The following ABCC3 variants were observed in gnomAD, a reference collection of about 807,000 sequenced individuals.
The protein encoded by ABCC3 is ATP-binding cassette sub-family C member 3.
A neutral mutation model predicts 165.3 loss-of-function variants in ABCC3; 121 were observed. That is an observed-to-expected ratio of 0.73 (90% confidence interval 0.63 to 0.85). The LOEUF is 0.85. ABCC3 is among the 40% of genes least tolerant of loss of function. ABCC3 has a pLI of 0.00. For missense variants in ABCC3, 1,869 were observed against 1,964.1 expected (o/e 0.95, Z 0.92); for synonymous variants, 733 against 810.1 (o/e 0.90, Z 1.62).
In ABCC3 at chr17:50,684,584, C is replaced by T. The variant is rs139794634; in HGVS notation, c.4114-125C>T. On this transcript the variant is annotated intron_variant, in intron 28 of 30. Coordinates refer to ENST00000285238, the MANE Select transcript of ABCC3 (RefSeq NM_003786.4). ...TCTATCTCTTTGGCCATTGTGTCCT[C>T]TGGGGAGCTGGAAACAGAGTGGGAA... 672 of 1,064,360 alleles carry T rather than the reference C, an allele frequency of 6.3e-4. 1 individual carries two copies. Among genetic ancestry groups the T allele is most frequent in the Middle Eastern group, 3.6e-3 (16 of 4,464 alleles). The allele number at this position is 1,064,360 out of a possible 1,614,324, so 65.9% of individuals were successfully genotyped here.
intron 29 of ABCC3, among the ~76,000 whole-genome samples, chr17:50,686,357 G>A (rs1968021572): frequency 6.6e-6 from 1 of 152,134 alleles, no homozygotes; most frequent in African/African-American, 2.4e-5. Context: ...GCAGAGCGGG[G>A]ACTCTGGCTC....
chr17:50,649,759 G>A (rs1967078778), intron 1 of ABCC3, among the ~76,000 whole-genome samples: 1 of 151,654 alleles, frequency 6.6e-6, no homozygotes, highest in South Asian at 2.1e-4. Context: ...AGAAAGGAAG[G>A]AAGGAAGGAA....
intron 1 of ABCC3, among the ~76,000 whole-genome samples, chr17:50,650,370 G>A (rs1256452533): frequency 6.6e-6 from 1 of 152,176 alleles, no homozygotes; most frequent in African/African-American, 2.4e-5. Context: ...GCCTCCCAAA[G>A]TCCTGGGATT....
chr17:50,652,353 G>A (rs1967128521), intron 1 of ABCC3, among the ~76,000 whole-genome samples: 2 of 152,138 alleles, frequency 1.3e-5, no homozygotes, highest in African/African-American at 2.4e-5. Flanking sequence ...AAGATTTCTT[G>A]CCCAGATGAC....
chr17:50,659,894 G>A (rs1466941966), intron 7 of ABCC3, among the ~76,000 whole-genome samples: 1 of 152,198 alleles, frequency 6.6e-6, no homozygotes, highest in African/African-American at 2.4e-5. Flanking sequence ...GCTGAGGTGG[G>A]AGGATCATTT....
In ABCC3 at chr17:50,667,611, G is replaced by C. The variant is rs758522517; in HGVS notation, c.1489G>C (p.Gly497Arg). The change falls in exon 12 of 31, where the codon GGC becomes CGC. Residue 497 changes from glycine to arginine, a missense_variant. Transcript: ENST00000285238. ...CAAGCTGATGAGTGAGATCCTGAACGGCATCAAGGTGCTGAAGCTGTACGC... is the reference window on the plus strand; with the variant it reads ...CAAGCTGATGAGTGAGATCCTGAACCGCATCAAGGTGCTGAAGCTGTACGC... ...RIKLMSEILN[G>R]IKVLKLYAWE... The C allele has an allele frequency of 1.9e-6, 3 of 1,614,100 alleles. No homozygotes were observed. Among genetic ancestry groups the C allele is most frequent in the Non-Finnish European group, 2.5e-6 (3 of 1,179,962 alleles).
chr17:50,678,094 T>G lies in ABCC3; in HGVS notation c.3580T>G (p.Trp1194Gly), dbSNP rs145688585. 3 of 1,605,060 alleles carry G rather than the reference T, an allele frequency of 1.9e-6. No individual in the cohort carries two copies. In the African/African-American group the frequency reaches 4.0e-5, roughly 22 times the overall value. ...SCYPYIISNR[W>G]LSIGVEFVGN... Reference sequence around the variant, plus strand: ...TCCTCCTCATCTGATCCCCCATAGGTGGCTGAGCATCGGAGTGGAGTTCGT... The same window carrying G: ...TCCTCCTCATCTGATCCCCCATAGGGGGCTGAGCATCGGAGTGGAGTTCGT... The change falls in exon 25 of 31, where the codon TGG becomes GGG. Residue 1194 changes from tryptophan (W) to glycine (G), a missense_variant and splice_region_variant. Physicochemically the swap from Trp to Gly is radical, Grantham distance 184. Transcript: ENST00000285238.
intron 17 of ABCC3, 114 bp from the exon 18 acceptor site, chr17:50,672,857 G>C: frequency 3.3e-6 from 3 of 910,610 alleles, no homozygotes; most frequent in Non-Finnish European, 4.9e-6. Context: ...GGGTGAGTGA[G>C]ACCCCATCTC....
rs1597852145 is a variant in ABCC3 at position 50,665,144 on chromosome 17, C to T, written c.1339-9C>T. 6.2e-7 allele frequency: 1 copy of T among 1,613,568 alleles called. No individual in the cohort carries two copies. The highest frequency in any genetic ancestry group is 8.5e-7 in the Non-Finnish European group (1 of 1,179,474). On this transcript the variant is annotated splice_polypyrimidine_tract_variant and intron_variant, in intron 10 of 30. Coordinates refer to ENST00000285238, the MANE Select transcript of ABCC3 (RefSeq NM_003786.4). ...CCTATGTGTCATCTATCCACCGGTG[C>T]CTCCTCAGAACCTAGGTCCCTCTGT...
rs771674549 is a variant in ABCC3, at chr17:50,684,712, C to T, written c.4117C>T (p.Pro1373Ser). Residue 1373 changes from proline (P) to serine (S), a missense_variant, in exon 29 of 31, where the codon CCC becomes TCC. By Grantham distance (74) the Pro-to-Ser change is moderately conservative. Transcript: ENST00000285238. ...RSQLTIIPQDPILFSGTLRMN... is the reference protein window; with the variant it reads ...RSQLTIIPQDSILFSGTLRMN... ...TGAGGCCACGTTGTATCCCCAGGAC[C>T]CCATCCTGTTCTCGGGGACCCTGCG... 6.2e-7 allele frequency: 1 copy of T among 1,613,888 alleles called. No individual in the cohort carries two copies. Among genetic ancestry groups the T allele is most frequent in the Admixed American group, 1.7e-5 (1 of 59,954 alleles).
chr17:50,671,497 A>C (rs1443597499), intron 17 of ABCC3, among the ~76,000 whole-genome samples: 1 of 152,058 alleles, frequency 6.6e-6, no homozygotes, highest in African/African-American at 2.4e-5. Flanking sequence ...TCTATTGCTT[A>C]TAAGAGAATG....
At chr17:50,668,310 G>A in intron 13 of ABCC3, 120 bp from the exon 14 acceptor site, 2 of 810,492 alleles carry the variant, frequency 2.5e-6, no homozygotes, top group Non-Finnish European at 4.0e-6. Context: ...AGGGACCCCA[G>A]TGCTAGTGTC....
chr17:50,644,285 T>C (rs1380918818), intron 1 of ABCC3, among the ~76,000 whole-genome samples: 1 of 109,082 alleles, frequency 9.2e-6, no homozygotes, highest in Non-Finnish European at 1.7e-5. Context: ...CACTCCAGCC[T>C]GGGTGACAGA....
At chr17:50,683,492 AG>A in intron 26 of ABCC3, 117 bp from the exon 27 acceptor site, 1 of 1,199,628 alleles carries the variant, frequency 8.3e-7, no homozygotes. Flanking sequence ...AGGGGTGCCA[AG>A]GACCCTCCCA....
Position 50,678,086 on chromosome 17 carries a change from C to T in ABCC3, c.3579-7C>T. 3.7e-6 allele frequency: 6 copies of T among 1,607,560 alleles called. No homozygotes were observed. The highest frequency in any genetic ancestry group is 2.2e-5 in the East Asian group (1 of 44,770). On this transcript the variant is annotated splice_polypyrimidine_tract_variant and splice_region_variant and intron_variant, in intron 24 of 30. Transcript: ENST00000285238. ...GCCCCATTTCCTCCTCATCTGATCC[C>T]CCATAGGTGGCTGAGCATCGGAGTG... is the stretch of plus-strand genomic sequence containing the variant.
At chr17:50,682,031 G>A (rs146665340) in intron 26 of ABCC3, among the ~76,000 whole-genome samples, 44 of 152,150 alleles carry the variant, frequency 2.9e-4, no homozygotes, top group African/African-American at 9.9e-4. Flanking sequence ...CCCACGGCCC[G>A]TTCTCTGACG....
At chr17:50,678,849 G>A (rs1307646194) in intron 25 of ABCC3, 2 of 152,240 alleles carry the variant, frequency 1.3e-5, no homozygotes, top group African/African-American at 4.8e-5. Context: ...GAACCTGGGA[G>A]GCAGAGGTTG....
At chr17:50,673,968 CTTT>C (rs1967720673) in intron 19 of ABCC3, among the ~76,000 whole-genome samples, 1 of 17,014 alleles carries the variant, frequency 5.9e-5, no homozygotes, top group African/African-American at 2.7e-4. Context: ...TTCTTTCTTT[CTTT>C]CTTTCTTTCT....
In ABCC3 at chr17:50,687,618, G is replaced by A. The variant is rs762064825; in HGVS notation, c.4363G>A (p.Ala1455Thr). ...CCTGGTTTTAGACGAGGCCACAGCT[G>A]CCATCGACCTGGAGACTGACAACCT... is the stretch of plus-strand genomic sequence containing the variant. ...RILVLDEATA[A>T]IDLETDNLIQ... Residue 1455 changes from alanine to threonine, a missense_variant, in exon 30 of 31, where the codon GCC (alanine) becomes ACC (threonine). Ala to Thr is a moderately conservative substitution (Grantham distance 58). Coordinates refer to ENST00000285238, the MANE Select transcript of ABCC3 (RefSeq NM_003786.4). 6.2e-7 allele frequency: 1 copy of A among 1,614,250 alleles called. No individual in the cohort carries two copies. The highest frequency in any genetic ancestry group is 2.2e-5 in the East Asian group (1 of 44,896).
Sources: allele counts gnomAD v4.1 joint callset (sites outside exome capture counted in the v4.1 genomes callset), GRCh38; gene constraint gnomAD v4.1.1; transcripts MANE v1.5; gene names NCBI Gene and HGNC (gene_info 2026-07-23, HGNC 2026-07-21).